Variants in NFU1 observed in about 807,000 individuals in gnomAD.
NFU1 encodes the protein NFU1 iron-sulfur cluster scaffold.
NFU1 carries 30 observed loss-of-function variants against 32.2 expected under a neutral mutation model. That is an observed-to-expected ratio of 0.93 (90% CI 0.70 to 1.26). NFU1 has a LOEUF of 1.26. Ranked by LOEUF, NFU1 falls within the 50% of genes most tolerant of loss-of-function variation. The pLI is 0.00. For synonymous variants in NFU1, 112 were observed against 104.6 expected (o/e 1.07, Z -0.43); for missense variants, 306 against 306.6 (o/e 1.00, Z 0.02).
chr2:69,437,409 GCC>G lies in NFU1; in HGVS notation c.12_13del (p.Ala5GlnfsTer28), dbSNP rs773613508. 6.2e-7 allele frequency: 1 copy of G among 1,610,380 alleles called. No individual in the cohort carries two copies. The highest frequency in any genetic ancestry group is 1.3e-5 in the African/African-American group (1 of 74,916). ...AGCCGCAGCTCCCCAGCCCCGCCTG[GCC>G]GTCGCCGCCATCTTAGTCCGGAGTG... On this transcript the variant is annotated frameshift_variant, in exon 1 of 8. Transcript: ENST00000410022. LOFTEE classifies it high-confidence loss of function.
intron 2 of NFU1, among the ~76,000 whole-genome samples, chr2:69,429,396 C>CA (rs1673565299): frequency 6.6e-6 from 1 of 151,102 alleles, no homozygotes; most frequent in African/African-American, 2.4e-5. Flanking sequence ...CCTGTCTCTA[C>CA]AAAAAAATAC....
intron 6 of NFU1, among the ~76,000 whole-genome samples, chr2:69,402,905 G>A (rs34478840): frequency 0.089 from 13,438 of 150,404 alleles, 795 homozygotes; most frequent in East Asian, 0.22. Flanking sequence ...CTTGTGTCCC[G>A]TTGGGGAAAA....
intron 3 of NFU1, among the ~76,000 whole-genome samples, chr2:69,421,283 T>G (rs1341424026): frequency 6.6e-6 from 1 of 151,952 alleles, no homozygotes; most frequent in South Asian, 2.1e-4. Flanking sequence ...TGAGAAGTGA[T>G]ATGTTTAAGA....
At chr2:69,421,717 G>A (rs1024364802) in intron 3 of NFU1, among the ~76,000 whole-genome samples, 11 of 151,752 alleles carry the variant, frequency 7.2e-5, no homozygotes, top group African/African-American at 1.9e-4. Flanking sequence ...ACAGGCGCCC[G>A]CCACCACATC....
chr2:69,411,915 T>C (rs4355161), intron 5 of NFU1, among the ~76,000 whole-genome samples: 101,471 of 152,038 alleles, frequency 0.67, 35,511 homozygotes, highest in African/African-American at 0.9. Flanking sequence ...TAAAAACCTG[T>C]TTAAATAAAT....
chr2:69,411,705 A>T (rs1165582084), intron 5 of NFU1, among the ~76,000 whole-genome samples: 2 of 151,900 alleles, frequency 1.3e-5, no homozygotes, highest in African/African-American at 2.4e-5. Flanking sequence ...CGATCCTCCC[A>T]CCTCAGCTTG....
At chr2:69,400,191 AAG>A (rs1672474315) in intron 7 of NFU1, 171 bp downstream of exon 7, 1 of 631,540 alleles carries the variant, frequency 1.6e-6, no homozygotes, top group South Asian at 1.9e-5. Context: ...CTTCTAAAAT[AAG>A]AGACTTCAAG....
In NFU1 at chr2:69,398,977, C is replaced by T. The variant is rs148743380; in HGVS notation, c.720+1387G>A. The stretch of plus-strand genomic sequence containing the variant: ...CTGTAATCCTAGCACTCTGGGAGGC[C>T]GAGGCGGGCAAATTGCCTGAGCTCA... On this transcript the variant is annotated intron_variant, in intron 7 of 7. Transcript: ENST00000410022. Among the ~76,000 whole-genome samples the T allele has an allele frequency of 7.2e-4, 109 of 152,066 alleles. 2 individuals carry two copies. In the East Asian group the frequency reaches 0.016, roughly 23 times the overall value.
At position 69,401,891 on chromosome 2, in the gene NFU1, T is replaced by C. The variant is rs2104738739; in HGVS notation, c.546-1353A>G. Among the ~76,000 whole-genome samples the C allele has an allele frequency of 2.3e-5, 3 of 127,666 alleles. No individual in the cohort carries two copies. The South Asian group carries it at 7.4e-4, about 32-fold the overall frequency. The allele number at this position is 127,666 out of a possible 152,430, so 83.8% of individuals were successfully genotyped here. On this transcript the variant is annotated intron_variant, in intron 6 of 7. Coordinates refer to ENST00000410022, the MANE Select transcript of NFU1 (RefSeq NM_001002755.4). ...CATGTTTAGTGGCTACTTGATTATC[T>C]TTTTTCCTTTTTTTTTTTTGGAGAC...
At chr2:69,408,922 C>G (rs1361735422) in intron 5 of NFU1, among the ~76,000 whole-genome samples, 2 of 134,600 alleles carry the variant, frequency 1.5e-5, no homozygotes, top group Non-Finnish European at 3.1e-5. Context: ...TCACTGCAAC[C>G]TCCATCTCTT....
At chr2:69,414,380 G>A (rs1299876994) in intron 5 of NFU1, among the ~76,000 whole-genome samples, 1 of 151,942 alleles carries the variant, frequency 6.6e-6, no homozygotes, top group Non-Finnish European at 1.5e-5. Flanking sequence ...CATTTTGAGA[G>A]GTTGAAGCCA....
chr2:69,412,418 G>T (rs1018108576), intron 5 of NFU1, among the ~76,000 whole-genome samples: 3 of 148,482 alleles, frequency 2.0e-5, no homozygotes, highest in South Asian at 4.3e-4. Context: ...ATGGAGTCTC[G>T]CCCTGTCTCC....
chr2:69,429,515 A>C (rs1471392124), intron 2 of NFU1, among the ~76,000 whole-genome samples: 2 of 146,154 alleles, frequency 1.4e-5, no homozygotes, highest in Admixed American at 1.4e-4. Flanking sequence ...GAGCCAAGAC[A>C]AAAAAAAAAA....
chr2:69,426,085 G>A (rs979125584), intron 2 of NFU1, among the ~76,000 whole-genome samples: 3 of 152,142 alleles, frequency 2.0e-5, no homozygotes, highest in Non-Finnish European at 4.4e-5. Flanking sequence ...CGATTCTCAT[G>A]CCTCAGCTTC....
chr2:69,407,611 G>T (rs1347818037), intron 5 of NFU1, among the ~76,000 whole-genome samples: 1 of 150,284 alleles, frequency 6.7e-6, no homozygotes. Flanking sequence ...GATGGCGGAG[G>T]TTGAAGTGAG....
chr2:69,439,519 C>T (rs1181896340), upstream of NFU1, among the ~76,000 whole-genome samples: 3 of 152,190 alleles, frequency 2.0e-5, no homozygotes, highest in African/African-American at 7.2e-5. Flanking sequence ...CTACAAAGAG[C>T]AAAAGAACAA....
chr2:69,410,867 CATG>C (rs1451073814), intron 5 of NFU1: 2 of 152,172 alleles, frequency 1.3e-5, no homozygotes, highest in African/African-American at 4.8e-5. Context: ...AAACTCTTGA[CATG>C]GTTTTTTAGA....
At chr2:69,417,950 A>G (rs981776247) in intron 4 of NFU1, among the ~76,000 whole-genome samples, 1 of 152,088 alleles carries the variant, frequency 6.6e-6, no homozygotes, top group Non-Finnish European at 1.5e-5. Context: ...AGAACTAAAT[A>G]ACTTTAAAAA....
chr2:69,431,811 T>C, intron 2 of NFU1, 91 bp downstream of exon 2: 2 of 836,928 alleles, frequency 2.4e-6, no homozygotes, highest in East Asian at 2.6e-5. Context: ...ATAGAAAATA[T>C]ACAAATTCTC....
Sources: allele counts gnomAD v4.1 joint callset (sites outside exome capture counted in the v4.1 genomes callset), GRCh38; gene constraint gnomAD v4.1.1; transcripts MANE v1.5; gene names NCBI Gene and HGNC (gene_info 2026-07-23, HGNC 2026-07-21).